FGF12: variants seen among roughly 807,000 people sequenced by gnomAD.
FGF12 encodes fibroblast growth factor 12.
Under a neutral mutation model 23.6 loss-of-function variants are expected in FGF12, and 14 were observed. The observed-to-expected ratio is 0.59, with a 90% CI of 0.39 to 0.93. The LOEUF (loss-of-function observed/expected upper bound fraction) is 0.93. Among genes scored for constraint, FGF12 ranks in the 40% least tolerant of loss-of-function variants. FGF12 has a pLI of 0.00. For missense variants in FGF12, 175 were observed against 217.8 expected, an observed-to-expected ratio of 0.80 and a Z score of 1.24; for synonymous variants, 62 against 77.3, an observed-to-expected ratio of 0.80 and a Z score of 1.04.
chr3:192,644,048 A>G (rs2108667997), intron 2 of FGF12, among the ~76,000 whole-genome samples: 1 of 152,336 alleles, frequency 6.6e-6, no homozygotes, highest in East Asian at 1.9e-4. Flanking sequence ...AGGTCTAAAA[A>G]AGATAAAGCG....
chr3:192,630,174 C>G (rs561055652), intron 2 of FGF12, among the ~76,000 whole-genome samples: 10 of 152,148 alleles, frequency 6.6e-5, no homozygotes, highest in African/African-American at 2.4e-4. Flanking sequence ...CCATGTGATG[C>G]GCCTGGTCCC....
chr3:192,527,977 C>G (rs1361224039), intron 2 of FGF12, among the ~76,000 whole-genome samples: 2 of 152,140 alleles, frequency 1.3e-5, no homozygotes, highest in Non-Finnish European at 2.9e-5. Flanking sequence ...CCCACTGGGT[C>G]CCTCCCACAA....
In FGF12 at chr3:192,409,075, G is replaced by A. The variant is rs1002345980; in HGVS notation, c.14-48537C>T. ...GCAAAGAGAGCGGGAGGCGAGGGAG[G>A]GGGGAGGGCGCGAGGGAGGGAGGGA... On this transcript the variant is annotated intron_variant, in intron 2 of 5. Coordinates refer to ENST00000445105, the MANE Select transcript of FGF12 (RefSeq NM_004113.6). The surrounding 1 kb of genome is among the most constrained non-coding windows in gnomAD (Gnocchi z 4.8). 3 of 820,138 alleles carry A rather than the reference G, an allele frequency of 3.7e-6. No individual in the cohort carries two copies. The highest frequency in any genetic ancestry group is 2.9e-6 in the Non-Finnish European group (2 of 679,746). The allele number at this position is 820,138 out of a possible 1,614,324, so 50.8% of individuals were successfully genotyped here.
intron 2 of FGF12, among the ~76,000 whole-genome samples, chr3:192,658,468 T>C (rs1716529538): frequency 6.6e-6 from 1 of 152,190 alleles, no homozygotes; most frequent in Admixed American, 6.5e-5. Flanking sequence ...CTGAGCAAGC[T>C]GCAGCCTCTG....
intron 2 of FGF12, among the ~76,000 whole-genome samples, chr3:192,649,928 G>T (rs943334583): frequency 6.6e-6 from 1 of 152,118 alleles, no homozygotes; most frequent in African/African-American, 2.4e-5. Flanking sequence ...AGTTTATTCT[G>T]TGGTATATTT....
intron 2 of FGF12, among the ~76,000 whole-genome samples, chr3:192,594,775 G>T (rs1452532136): frequency 1.3e-5 from 2 of 151,868 alleles, no homozygotes; most frequent in Admixed American, 6.6e-5. Flanking sequence ...CTCACCAGAC[G>T]CAACCCCTCA....
At chr3:192,328,679 A>G (rs1277606952) in intron 4 of FGF12, among the ~76,000 whole-genome samples, 1 of 152,234 alleles carries the variant, frequency 6.6e-6, no homozygotes, top group Admixed American at 6.5e-5. Context: ...CTGTGAGGCC[A>G]TAAACTTGCA....
chr3:192,267,221 T>C (rs1337724111), intron 4 of FGF12: 1 of 152,156 alleles, frequency 6.6e-6, no homozygotes, highest in Admixed American at 6.6e-5. Context: ...ACATAGTTGA[T>C]TAATGCAACT....
At chr3:192,340,899 A>C (rs751046506) in intron 3 of FGF12, among the ~76,000 whole-genome samples, 1 of 152,204 alleles carries the variant, frequency 6.6e-6, no homozygotes, top group Admixed American at 6.5e-5. Context: ...TGGCCTTAGC[A>C]ATGATTTATT....
In FGF12 at chr3:192,345,596, G is replaced by A. The variant is rs551027910; in HGVS notation, c.125-10132C>T. Reference sequence around the variant, plus strand: ...CAGCTACTCGGGAGGCTGAGGCAGGGGAATGGCGTGAACCCGGGAGGCGGA... The same window carrying A: ...CAGCTACTCGGGAGGCTGAGGCAGGAGAATGGCGTGAACCCGGGAGGCGGA... On this transcript the variant is annotated intron_variant, in intron 3 of 5. Transcript: ENST00000445105. Among the ~76,000 whole-genome samples the A allele has an allele frequency of 6.6e-3, 390 of 59,166 alleles. 96 individuals are homozygous for A. The highest frequency in any genetic ancestry group is 7.5e-3 in the Non-Finnish European group (281 of 37,490). 38.8% of individuals were successfully genotyped at this position (59,166 alleles called of 152,430 possible). A position where few individuals can be genotyped will look rare whatever the true frequency, so the allele number is the denominator to read the frequency against.
chr3:192,527,311 A>T (rs756265217), intron 2 of FGF12, among the ~76,000 whole-genome samples: 1 of 152,262 alleles, frequency 6.6e-6, no homozygotes, highest in Non-Finnish European at 1.5e-5. Flanking sequence ...ATATTCTGTT[A>T]TAACAACAGA....
intron 2 of FGF12, among the ~76,000 whole-genome samples, chr3:192,524,441 T>G (rs1724895466): frequency 6.6e-6 from 1 of 152,332 alleles, no homozygotes; most frequent in East Asian, 1.9e-4. Context: ...CTTATGACTT[T>G]GGCTAACTTT....
At chr3:192,562,898 G>A (rs950131645) in intron 2 of FGF12, among the ~76,000 whole-genome samples, 1 of 152,098 alleles carries the variant, frequency 6.6e-6, no homozygotes, top group Admixed American at 6.6e-5. Context: ...CATCCTGAAC[G>A]TTCTCTATCA....
chr3:192,526,435 T>C (rs1174747870), intron 2 of FGF12, among the ~76,000 whole-genome samples: 1 of 152,190 alleles, frequency 6.6e-6, no homozygotes, highest in East Asian at 1.9e-4. Context: ...GAAGTGTTGA[T>C]TTAGCCAGAG....
At chr3:192,618,381 A>C (rs1577081810) in intron 2 of FGF12, among the ~76,000 whole-genome samples, 2 of 152,220 alleles carry the variant, frequency 1.3e-5, no homozygotes, top group South Asian at 4.1e-4. Context: ...AAGTCCATCA[A>C]GTTCTGGCAG....
intron 2 of FGF12, among the ~76,000 whole-genome samples, chr3:192,485,941 C>T (rs758982397): frequency 5.9e-5 from 9 of 151,838 alleles, no homozygotes; most frequent in South Asian, 2.1e-4. Context: ...TCATTTTGTA[C>T]GCACTATAAA....
At chr3:192,632,460 C>T (rs533069568) in intron 2 of FGF12, among the ~76,000 whole-genome samples, 1 of 152,292 alleles carries the variant, frequency 6.6e-6, no homozygotes, top group South Asian at 2.1e-4. Flanking sequence ...CATCAAGCTT[C>T]AAATGCCAAG....
chr3:192,381,954 C>T (rs1373860479), intron 2 of FGF12, among the ~76,000 whole-genome samples: 4 of 151,218 alleles, frequency 2.6e-5, no homozygotes, highest in African/African-American at 9.7e-5. Context: ...AAGTCAGACA[C>T]ATAGGACATA....
At chr3:192,305,348 C>A (rs985407127) in intron 4 of FGF12, among the ~76,000 whole-genome samples, 2 of 151,730 alleles carry the variant, frequency 1.3e-5, no homozygotes, top group African/African-American at 2.4e-5. Context: ...TAAAAAAAAA[C>A]AAATTTTTAA....
Sources: allele counts gnomAD v4.1 joint callset (sites outside exome capture counted in the v4.1 genomes callset), GRCh38; gene constraint gnomAD v4.1.1; non-coding constraint Gnocchi (gnomAD v3.1); transcripts MANE v1.5; gene names NCBI Gene and HGNC (gene_info 2026-07-23, HGNC 2026-07-21).